Variants in PTPRK observed in about 807,000 individuals in gnomAD.
PTPRK encodes protein tyrosine phosphatase receptor type K, also known as receptor-type tyrosine-protein phosphatase kappa.
Under a neutral mutation model 178.0 loss-of-function variants are expected in PTPRK, and 75 were observed. The ratio of observed to expected loss-of-function variants is 0.42; its 90% CI spans 0.35 to 0.51. The LOEUF (loss-of-function observed/expected upper bound fraction) is 0.51, where lower values mean the gene tolerates loss of function less well. Ranked by LOEUF, PTPRK falls within the 20% of genes least tolerant of loss-of-function variation. PTPRK has a pLI of 0.02. For missense variants in PTPRK, 1,441 were observed against 1,797.8 expected (o/e 0.80, Z 3.59); for synonymous variants, 637 against 620.6 (o/e 1.03, Z -0.39).
chr6:128,417,297 A>G (rs111635345), intron 1 of PTPRK, among the ~76,000 whole-genome samples: 2 of 152,322 alleles, frequency 1.3e-5, no homozygotes, highest in African/African-American at 4.8e-5. Context: ...AGCCACTATG[A>G]AAGTCATGCC....
chr6:128,343,742 T>C (rs1832008240), intron 2 of PTPRK, among the ~76,000 whole-genome samples: 1 of 152,236 alleles, frequency 6.6e-6, no homozygotes, highest in Non-Finnish European at 1.5e-5. Flanking sequence ...CAAAAACATT[T>C]CATAAATTAC....
intron 3 of PTPRK, among the ~76,000 whole-genome samples, chr6:128,248,431 T>C (rs2128287704): frequency 6.6e-6 from 1 of 152,232 alleles, no homozygotes; most frequent in Non-Finnish European, 1.5e-5. Flanking sequence ...CTGATAAGAT[T>C]GAGGAAGATG....
intron 21 of PTPRK, among the ~76,000 whole-genome samples, chr6:127,986,095 A>G (rs1484096477): frequency 6.6e-6 from 1 of 152,218 alleles, no homozygotes; most frequent in Non-Finnish European, 1.5e-5. Flanking sequence ...AAAGAAAATT[A>G]TAAGTCTTGC....
In PTPRK at chr6:128,140,472, A is replaced by T. The variant is rs115509044; in HGVS notation, c.1162+43960T>A. 5.5e-3 allele frequency among the ~76,000 whole-genome samples: 837 copies of T among 152,096 alleles called. 15 individuals are homozygous for T. Among genetic ancestry groups the T allele is most frequent in the African/African-American group, 0.019 (793 of 41,550 alleles). On this transcript the variant is annotated intron_variant, in intron 7 of 29. Transcript: ENST00000368226. The stretch of plus-strand genomic sequence containing the variant: ...CCTCTACTTTACCAGGTCCATCCCT[A>T]GCTTGAATTGTTATAGTGTCTTTAG...
intron 5 of PTPRK, among the ~76,000 whole-genome samples, chr6:128,229,415 CA>C (rs1454916427): frequency 6.6e-6 from 1 of 152,142 alleles, no homozygotes; most frequent in African/African-American, 2.4e-5. Context: ...CCTATGAACT[CA>C]TTAGGTATTT....
At chr6:128,426,524 C>T (rs1844160527) in intron 1 of PTPRK, among the ~76,000 whole-genome samples, 1 of 152,222 alleles carries the variant, frequency 6.6e-6, no homozygotes, top group Admixed American at 6.5e-5. Context: ...ATAACTTCTT[C>T]TAACTCTCTC....
intron 13 of PTPRK, among the ~76,000 whole-genome samples, chr6:128,024,986 A>C (rs1361014233): frequency 1.3e-5 from 2 of 152,232 alleles, no homozygotes; most frequent in Non-Finnish European, 2.9e-5. Flanking sequence ...TGTAATATTT[A>C]CCTTTTCAAC....
At chr6:128,457,632 T>C (rs1562561671) in intron 1 of PTPRK, among the ~76,000 whole-genome samples, 1 of 152,154 alleles carries the variant, frequency 6.6e-6, no homozygotes, top group African/African-American at 2.4e-5. Flanking sequence ...ACCAAATTCT[T>C]TTCTGCATCC....
At chr6:128,256,069 G>A (rs1019214764) in intron 3 of PTPRK, among the ~76,000 whole-genome samples, 2 of 152,156 alleles carry the variant, frequency 1.3e-5, no homozygotes, top group African/African-American at 4.8e-5. Flanking sequence ...TCTAATATTT[G>A]CTGGACTAAT....
chr6:128,000,962 C>T (rs187486546), intron 15 of PTPRK, among the ~76,000 whole-genome samples: 233 of 152,054 alleles, frequency 1.5e-3, no homozygotes, highest in Non-Finnish European at 2.6e-3. Context: ...TAGACAGTGC[C>T]TTTTGTTTTG....
chr6:128,040,284 G>C (rs1000257216), intron 13 of PTPRK, among the ~76,000 whole-genome samples: 6 of 152,134 alleles, frequency 3.9e-5, no homozygotes, highest in Non-Finnish European at 7.4e-5. Context: ...ATACAAAGCA[G>C]TTTTATTTAT....
chr6:128,335,994 G>C (rs545685701), intron 2 of PTPRK, among the ~76,000 whole-genome samples: 1 of 152,190 alleles, frequency 6.6e-6, no homozygotes, highest in Admixed American at 6.5e-5. Flanking sequence ...AAACACATCT[G>C]GTCAATTATG....
At chr6:128,437,235 T>C (rs922078658) in intron 1 of PTPRK, among the ~76,000 whole-genome samples, 2 of 152,202 alleles carry the variant, frequency 1.3e-5, no homozygotes, top group Non-Finnish European at 2.9e-5. Context: ...AGTTTGAGAA[T>C]AGGTTTTGCT....
In PTPRK at chr6:128,089,713, G is replaced by T. The variant is rs1362365544; in HGVS notation, c.1442C>A (p.Thr481Lys). 6.2e-7 allele frequency: 1 copy of T among 1,612,114 alleles called. No individual in the cohort carries two copies. The highest frequency in any genetic ancestry group is 8.5e-7 in the Non-Finnish European group (1 of 1,178,362). Reference protein sequence around the residue: ...NPEGRKESEETIIQTDEDVPG... With the variant: ...NPEGRKESEEKIIQTDEDVPG... ...ACCATCTTCATCAGTTTGAATAATT[G>T]TCTCTTCACTCTCCTTCCTTCCCTC... Residue 481 changes from threonine to lysine, a missense_variant, in exon 8 of 30, where the codon ACA becomes AAA. By Grantham distance (78) the Thr-to-Lys change is moderately conservative (BLOSUM62 -1). Coordinates refer to ENST00000368226, the MANE Select transcript of PTPRK (RefSeq NM_002844.4).
chr6:128,231,747 A>G (rs78135450), intron 5 of PTPRK, among the ~76,000 whole-genome samples: 4,812 of 152,322 alleles, frequency 0.032, 272 homozygotes, highest in African/African-American at 0.11. Context: ...GTAAAAAGTA[A>G]AACAATGGTT....
At chr6:128,117,451 C>T (rs895174470) in intron 7 of PTPRK, among the ~76,000 whole-genome samples, 6 of 152,082 alleles carry the variant, frequency 3.9e-5, no homozygotes, top group African/African-American at 1.4e-4. Flanking sequence ...ACGACATAAA[C>T]TTTAGAAGAA....
chr6:128,276,978 G>A (rs1293266389), intron 3 of PTPRK, among the ~76,000 whole-genome samples: 1 of 151,938 alleles, frequency 6.6e-6, no homozygotes, highest in African/African-American at 2.4e-5. Flanking sequence ...GTCCCAAAGG[G>A]CCTCCCCACT....
chr6:128,227,714 C>T (rs1378054927), intron 5 of PTPRK, among the ~76,000 whole-genome samples: 2 of 151,932 alleles, frequency 1.3e-5, no homozygotes, highest in Non-Finnish European at 2.9e-5. Flanking sequence ...AAAAATATGT[C>T]CATAAAACAG....
intron 13 of PTPRK, among the ~76,000 whole-genome samples, chr6:128,054,969 T>C (rs1017443283): frequency 2.0e-5 from 3 of 152,218 alleles, no homozygotes; most frequent in Admixed American, 6.5e-5. Flanking sequence ...TGGTGGTGAC[T>C]GTATGACTTT....
Sources: allele counts gnomAD v4.1 joint callset (sites outside exome capture counted in the v4.1 genomes callset), GRCh38; gene constraint gnomAD v4.1.1; transcripts MANE v1.5; gene names NCBI Gene and HGNC (gene_info 2026-07-23, HGNC 2026-07-21).